NDUFV3: variants seen among roughly 807,000 people sequenced by gnomAD.
The protein encoded by NDUFV3 is NADH dehydrogenase [ubiquinone] flavoprotein 3, mitochondrial.
NDUFV3 carries 44 observed loss-of-function variants against 37.5 expected under a neutral mutation model. That is an observed-to-expected ratio of 1.17 (90% CI 0.92 to 1.51). NDUFV3 has a LOEUF of 1.51. Among genes scored for constraint, NDUFV3 ranks in the 40% most tolerant of loss-of-function variants. The pLI, the probability that NDUFV3 is intolerant of heterozygous loss-of-function variation, is 0.00. For missense variants in NDUFV3, 580 were observed against 580.4 expected, an observed-to-expected ratio of 1.00 and a Z score of 0.01; for synonymous variants, 235 against 239.3, an observed-to-expected ratio of 0.98 and a Z score of 0.17.
At chr21:42,893,412 G>A (rs1299263797) in intron 1 of NDUFV3, 31 bp downstream of exon 1, 4 of 1,534,320 alleles carry the variant, frequency 2.6e-6, no homozygotes, top group East Asian at 2.4e-5. Flanking sequence ...GGCTGGCTGC[G>A]CGGCCCCGAG....
chr21:42,897,755 C>T (rs2058699757), intron 2 of NDUFV3, among the ~76,000 whole-genome samples: 1 of 151,890 alleles, frequency 6.6e-6, no homozygotes, highest in Non-Finnish European at 1.5e-5. Context: ...CGGCTCACTA[C>T]AACCTCCGCC....
intron 3 of NDUFV3, chr21:42,906,951 T>C (rs767135623): frequency 1.8e-5 from 9 of 495,142 alleles, no homozygotes. Context: ...AAAACAGAGC[T>C]TTTGATATTA....
intron 3 of NDUFV3, among the ~76,000 whole-genome samples, chr21:42,905,817 G>T (rs1176054187): frequency 1.4e-5 from 2 of 147,950 alleles, no homozygotes; most frequent in African/African-American, 2.5e-5. Context: ...TGCCTAGCGT[G>T]TGGAGGCTTT....
intron 2 of NDUFV3, among the ~76,000 whole-genome samples, chr21:42,901,494 G>A (rs1028875322): frequency 2.6e-5 from 4 of 151,814 alleles, no homozygotes; most frequent in Admixed American, 1.3e-4. Context: ...CCAGCTACTC[G>A]GGAGGCTGAG....
chr21:42,913,040 G>A lies in NDUFV3; in HGVS notation c.*4019G>A, dbSNP rs952877245. On this transcript the variant is annotated 3_prime_UTR_variant, in exon 4 of 4. Transcript: ENST00000354250. Reference sequence around the variant, plus strand: ...GATTGTGCCACTGCACTCCAGCCTGGGCGACAGAGCAAGACTCCGTCTCAA... The same window carrying A: ...GATTGTGCCACTGCACTCCAGCCTGAGCGACAGAGCAAGACTCCGTCTCAA... 2 of 152,186 alleles carry A rather than the reference G, an allele frequency of 1.3e-5. No homozygotes were observed. The highest frequency in any genetic ancestry group is 4.8e-5 in the African/African-American group (2 of 41,430). The allele number at this position is 152,186 out of a possible 1,614,324, so 9.4% of individuals were successfully genotyped here.
intron 3 of NDUFV3, among the ~76,000 whole-genome samples, chr21:42,905,003 A>G (rs1601223510): frequency 6.7e-6 from 1 of 150,354 alleles, no homozygotes; most frequent in East Asian, 2.0e-4. Context: ...GTTGGCCAGG[A>G]TGGTCTCAAT....
chr21:42,897,009 G>A lies in NDUFV3; in HGVS notation c.131G>A (p.Gly44Asp). 2 of 1,614,064 alleles carry A rather than the reference G, an allele frequency of 1.2e-6. No individual in the cohort carries two copies. The highest frequency in any genetic ancestry group is 1.1e-5 in the South Asian group (1 of 91,080). ...GCGGAATCAGGGAAGAGTGAAAAGG[G>A]TCAGCCACAGAATTCCAAGAAGCAA... is the stretch of plus-strand genomic sequence containing the variant. The part of the protein sequence containing the change: ...LSAESGKSEK[G>D]QPQNSKKQSP... Residue 44 changes from glycine (G) to aspartate (D), a missense_variant, in exon 2 of 4, where the codon GGT (glycine) becomes GAT (aspartate). By Grantham distance (94) the Gly-to-Asp change is moderately conservative. Transcript: ENST00000354250.
chr21:42,905,353 C>G (rs574701642), intron 3 of NDUFV3, among the ~76,000 whole-genome samples: 12 of 152,294 alleles, frequency 7.9e-5, no homozygotes, highest in African/African-American at 2.9e-4. Context: ...GTGCACAGGG[C>G]AGATTCATAG....
chr21:42,900,273 G>A (rs929235062), intron 2 of NDUFV3, among the ~76,000 whole-genome samples: 2 of 152,070 alleles, frequency 1.3e-5, no homozygotes, highest in Non-Finnish European at 2.9e-5. Flanking sequence ...AGGCCAAGGC[G>A]GGCCGATCAC....
intron 2 of NDUFV3, among the ~76,000 whole-genome samples, chr21:42,898,167 C>T (rs2058702455): frequency 6.6e-6 from 1 of 152,210 alleles, no homozygotes; most frequent in Non-Finnish European, 1.5e-5. Flanking sequence ...GTGCCAGCCC[C>T]TGACTGCCTC....
intron 1 of NDUFV3, 59 bp downstream of exon 1, chr21:42,893,440 G>A: frequency 6.6e-7 from 1 of 1,524,724 alleles, no homozygotes; most frequent in Non-Finnish European, 8.8e-7. Context: ...AGGGGATGGG[G>A]TGAGGGGGCG....
Position 42,903,561 on chromosome 21 carries a change from G to A in NDUFV3, c.549G>A (p.Gly183=). ...VTPRVVSKGR[G]GLRKPEASHS... ...CTCGAGTGGTGAGCAAAGGCAGAGGGGGGCTTCGAAAACCAGAGGCCTCTC... is the reference window on the plus strand; with the variant it reads ...CTCGAGTGGTGAGCAAAGGCAGAGGAGGGCTTCGAAAACCAGAGGCCTCTC... Residue 183 remains glycine (G), a synonymous_variant, in exon 3 of 4, where the codon GGG becomes GGA. Coordinates refer to ENST00000354250, the MANE Select transcript of NDUFV3 (RefSeq NM_021075.4). The A allele has an allele frequency of 3.1e-6, 5 of 1,613,960 alleles. No homozygotes were observed. Among genetic ancestry groups the A allele is most frequent in the Non-Finnish European group, 4.2e-6 (5 of 1,180,016 alleles).
At chr21:42,901,073 A>G (rs923017438) in intron 2 of NDUFV3, among the ~76,000 whole-genome samples, 7 of 152,118 alleles carry the variant, frequency 4.6e-5, no homozygotes, top group African/African-American at 1.4e-4. Flanking sequence ...TCCTTGTTTC[A>G]GTTTTAAAAG....
intron 1 of NDUFV3, among the ~76,000 whole-genome samples, chr21:42,896,666 C>T (rs559691361): frequency 3.4e-4 from 51 of 152,086 alleles, no homozygotes; most frequent in South Asian, 6.2e-4. Context: ...ACCTGGGCCA[C>T]GTAGCCAGAT....
Position 42,896,903 on chromosome 21 carries a change from C to T in NDUFV3, c.49-24C>T, listed in dbSNP as rs751391915. On this transcript the variant is annotated intron_variant, in intron 1 of 3. Coordinates refer to ENST00000354250, the MANE Select transcript of NDUFV3 (RefSeq NM_021075.4). ...TTATAATGGCATTACTCTAAACATC[C>T]ATATTCATTAATTCTTTTGTCAGAC... 1.9e-6 allele frequency: 3 copies of T among 1,604,502 alleles called. No homozygotes were observed. In the South Asian group the frequency reaches 3.3e-5, roughly 18 times the overall value.
intron 1 of NDUFV3, among the ~76,000 whole-genome samples, chr21:42,893,746 G>A (rs941705462): frequency 6.6e-6 from 1 of 152,236 alleles, no homozygotes; most frequent in African/African-American, 2.4e-5. Flanking sequence ...TGCGGCTCCC[G>A]CACGGCTTCT....
At chr21:42,899,709 C>T (rs1320804522) in intron 2 of NDUFV3, among the ~76,000 whole-genome samples, 3 of 152,278 alleles carry the variant, frequency 2.0e-5, no homozygotes, top group Middle Eastern at 3.4e-3. Flanking sequence ...TCCCAAAGTG[C>T]TGGGATTACA....
At chr21:42,906,660 G>A (rs1267635023) in intron 3 of NDUFV3, among the ~76,000 whole-genome samples, 3 of 152,206 alleles carry the variant, frequency 2.0e-5, no homozygotes, top group Admixed American at 6.5e-5. Context: ...TCTTCTGTGC[G>A]CATGCGCAGA....
Position 42,904,069 on chromosome 21 carries a change from G to C in NDUFV3, c.1057G>C (p.Glu353Gln), listed in dbSNP as rs749004134. 1.9e-6 allele frequency: 3 copies of C among 1,614,234 alleles called. No homozygotes were observed. Among genetic ancestry groups the C allele is most frequent in the African/African-American group, 1.3e-5 (1 of 75,066 alleles). Residue 353 changes from glutamate (E) to glutamine (Q), a missense_variant, in exon 3 of 4, where the codon GAA becomes CAA. Transcript: ENST00000354250. ...GGCGGCCCCTCCCCTGCCCAGAAAG[G>C]AAACCTCAGGGACGCAGGGAATAGA... Reference protein sequence around the residue: ...RKAAPPLPRKETSGTQGIEGH... With the variant: ...RKAAPPLPRKQTSGTQGIEGH...
Sources: allele counts gnomAD v4.1 joint callset (sites outside exome capture counted in the v4.1 genomes callset), GRCh38; gene constraint gnomAD v4.1.1; transcripts MANE v1.5; gene names NCBI Gene and HGNC (gene_info 2026-07-23, HGNC 2026-07-21).